DNAH2: variants seen among roughly 807,000 people sequenced by gnomAD.
The protein encoded by DNAH2 is axonemal beta dynein heavy chain 2.
A neutral mutation model predicts 523.5 loss-of-function variants in DNAH2; 323 were observed. The ratio of observed to expected loss-of-function variants is 0.62; its 90% CI spans 0.56 to 0.68. The LOEUF is 0.68. Among genes scored for constraint, DNAH2 ranks in the 30% least tolerant of loss-of-function variants. The probability of loss-of-function intolerance (pLI) is 0.00; values close to 1 mark genes in which losing one functional copy is unlikely to be tolerated. For synonymous variants in DNAH2, 2,093 were observed against 2,177.4 expected, an observed-to-expected ratio of 0.96 and a Z score of 1.08; for missense variants, 4,907 against 5,701.5, an observed-to-expected ratio of 0.86 and a Z score of 4.49.
rs535824956 is a variant in DNAH2 at position 7,829,036 on chromosome 17, T to A, written c.11854-1264T>A. 1.1e-3 allele frequency among the ~76,000 whole-genome samples: 165 copies of A among 148,480 alleles called. 1 individual carries two copies. The highest frequency in any genetic ancestry group is 3.4e-3 in the Admixed American group (50 of 14,858). Reference sequence around the variant, plus strand: ...AACATCCATTATTATTATTATTTTTTTTTTTTTGAGACAGAGTCTTGCTCT... The same window carrying A: ...AACATCCATTATTATTATTATTTTTATTTTTTTGAGACAGAGTCTTGCTCT... On this transcript the variant is annotated intron_variant, in intron 77 of 85. Transcript: ENST00000572933.
chr17:7,741,319 CTCCCTCCT>C lies in DNAH2; in HGVS notation c.1689+331_1689+338del, dbSNP rs1484834814. Reference sequence around the variant, plus strand: ...CTTCCTTCCTTCCCTCCCTCCCTCCCTCCCTCCTTCCTTCCTTCCTTCCTTCCTTCCTT... The same window carrying C: ...CTTCCTTCCTTCCCTCCCTCCCTCCCTCCTTCCTTCCTTCCTTCCTTCCTT... On this transcript the variant is annotated intron_variant, in intron 11 of 85. Transcript: ENST00000572933. Among the ~76,000 whole-genome samples, 5 of 37,040 alleles carry C rather than the reference CTCCCTCCT, an allele frequency of 1.3e-4. 1 individual carries two copies. Among genetic ancestry groups the C allele is most frequent in the African/African-American group, 4.2e-4 (3 of 7,126 alleles). The allele number at this position is 37,040 out of a possible 152,430, so 24.3% of individuals were successfully genotyped here.
At position 7,831,177 on chromosome 17, in the gene DNAH2, CCT is replaced by C. The variant is rs755290564; in HGVS notation, c.12323_12324del (p.Pro4108ArgfsTer10). 5.7e-5 allele frequency: 92 copies of C among 1,614,080 alleles called. No individual in the cohort carries two copies. Among genetic ancestry groups the C allele is most frequent in the Non-Finnish European group, 7.1e-5 (84 of 1,180,054 alleles). ...CAGCTTATTGCCTGGCATGGACCCC[CCT>C]GAGGCCTTTGGCCAGCACCCCAATG... ...YISLLPGMDP[P>X]EAFGQHPNAD... On this transcript the variant is annotated frameshift_variant, in exon 80 of 86. Transcript: ENST00000572933. LOFTEE classifies it high-confidence loss of function. This position sits in a 1 kb window ranked among gnomAD's most constrained non-coding sequence, Gnocchi z 4.2.
At position 7,754,367 on chromosome 17, in the gene DNAH2, T is replaced by TAAGGTG. The variant is rs1181450558; in HGVS notation, c.1905-2724_1905-2723insAAGGTG. 1.6e-5 allele frequency: 8 copies of TAAGGTG among 498,894 alleles called. No individual in the cohort carries two copies. The highest frequency in any genetic ancestry group is 3.2e-5 in the Admixed American group (1 of 31,266). 30.9% of individuals were successfully genotyped at this position (498,894 alleles called of 1,614,324 possible). A position where few individuals can be genotyped will look rare whatever the true frequency, so the allele number is the denominator to read the frequency against. Reference sequence around the variant, plus strand: ...GCCCAGGCTTCCGGTTCTAGGTGCTTCAGGAGCCGTGGCTTAAGGTGCAGA... The same window carrying TAAGGTG: ...GCCCAGGCTTCCGGTTCTAGGTGCTTAAGGTGCAGGAGCCGTGGCTTAAGGTGCAGA... On this transcript the variant is annotated intron_variant, in intron 12 of 85. Transcript: ENST00000572933. The surrounding 1 kb of genome is among the most constrained non-coding windows in gnomAD (Gnocchi z 4.6).
At chr17:7,743,674 ATC>A in intron 12 of DNAH2, 2 of 301,208 alleles carry the variant, frequency 6.6e-6, no homozygotes, top group Non-Finnish European at 1.2e-5. Context: ...AAAAACAAAA[ATC>A]AAAAACCACT....
chr17:7,831,273 A>T lies in DNAH2; in HGVS notation c.12418A>T (p.Ile4140Phe), dbSNP rs1157999617. The T allele has an allele frequency of 6.2e-7, 1 of 1,614,072 alleles. No homozygotes were observed. The highest frequency in any genetic ancestry group is 8.5e-7 in the Non-Finnish European group (1 of 1,180,014). Residue 4140 changes from isoleucine (I) to phenylalanine (F), a missense_variant, in exon 80 of 86, where the codon ATT becomes TTT. Coordinates refer to ENST00000572933, the MANE Select transcript of DNAH2 (RefSeq NM_020877.5). This position sits in a 1 kb window ranked among gnomAD's most constrained non-coding sequence, Gnocchi z 4.2. The stretch of plus-strand genomic sequence containing the variant: ...TACTTTGCTTTCCTTGCAACCTCAG[A>T]TTACACCCACCAGGGCTGGAGGCCA... ...FDTLLSLQPQ[I>F]TPTRAGGQTR...
At chr17:7,726,919 T>A (rs755427954) in intron 3 of DNAH2, among the ~76,000 whole-genome samples, 1 of 152,216 alleles carries the variant, frequency 6.6e-6, no homozygotes, top group Non-Finnish European at 1.5e-5. Context: ...TTTGTTTGTT[T>A]GTTTGTTTTA....
chr17:7,742,424 C>T (rs772790291), intron 11 of DNAH2, among the ~76,000 whole-genome samples: 11 of 152,170 alleles, frequency 7.2e-5, no homozygotes, highest in East Asian at 1.9e-4. Context: ...GAGAGAGACT[C>T]TGTCACAAAC....
rs1277161234 is a variant in DNAH2, at chr17:7,727,020, T to C, written c.229-102T>C. 2.3e-6 allele frequency: 3 copies of C among 1,299,620 alleles called. No homozygotes were observed. In the Admixed American group the frequency reaches 8.7e-5, roughly 38 times the overall value. 80.5% of individuals were successfully genotyped at this position (1,299,620 alleles called of 1,614,324 possible). On this transcript the variant is annotated intron_variant, in intron 3 of 85. Coordinates refer to ENST00000572933, the MANE Select transcript of DNAH2 (RefSeq NM_020877.5). The stretch of plus-strand genomic sequence containing the variant: ...TTCTCCTAACCATTCTGAACCTGTC[T>C]GGCTTCTCTCATCTCCCATGTCCTC...
Position 7,801,721 on chromosome 17 carries a change from C to T in DNAH2, c.8832+11C>T, listed in dbSNP as rs1254423736. 1 of 1,613,786 alleles carries T rather than the reference C, an allele frequency of 6.2e-7. No individual in the cohort carries two copies. Among genetic ancestry groups the T allele is most frequent in the Non-Finnish European group, 8.5e-7 (1 of 1,179,928 alleles). On this transcript the variant is annotated intron_variant, in intron 57 of 85. Transcript: ENST00000572933. ...GGAACTCAGGAGAATGTGAGCCCCT[C>T]CTCCCCACCTCTCATTGCATCCCTG...
At position 7,823,605 on chromosome 17, in the gene DNAH2, C is replaced by T; in HGVS notation, c.11306C>T (p.Ala3769Val). Residue 3769 changes from alanine (A) to valine (V), a missense_variant, in exon 74 of 86, where the codon GCC becomes GTC. Around this residue, in one of 3 missense-constraint regions of DNAH2, gnomAD observed 1,851 missense variants for 2,139.4 expected, o/e 0.87. Coordinates refer to ENST00000572933, the MANE Select transcript of DNAH2 (RefSeq NM_020877.5). ...TGGCACCTGTGGTATACCAATGCTG[C>T]CCCGGAGAAGGCGATGCTGCCAGGT... ...RDWHLWYTNA[A>V]PEKAMLPGEW... is the part of the protein sequence containing the mutation. 2 of 1,614,090 alleles carry T rather than the reference C, an allele frequency of 1.2e-6. No individual in the cohort carries two copies. The highest frequency in any genetic ancestry group is 1.7e-6 in the Non-Finnish European group (2 of 1,179,994).
chr17:7,764,178 C>T lies in DNAH2; in HGVS notation c.3241C>T (p.Leu1081=). Residue 1081 remains leucine, a synonymous_variant, in exon 20 of 86, where the codon CTG becomes TTG. Coordinates refer to ENST00000572933, the MANE Select transcript of DNAH2 (RefSeq NM_020877.5). ...GGTCAGCTTGCAGCTCGTGGATGCC[C>T]TGAAGCACGACTTGGCCAACGTGGA... ...LGVSLQLVDA[L]KHDLANVETQ... is the part of the protein sequence containing the mutation. The T allele has an allele frequency of 1.9e-6, 3 of 1,614,216 alleles. No homozygotes were observed. Among genetic ancestry groups the T allele is most frequent in the Non-Finnish European group, 1.7e-6 (2 of 1,180,032 alleles).
At chr17:7,804,639 A>C (rs898363900) in intron 59 of DNAH2, among the ~76,000 whole-genome samples, 173 bp downstream of exon 59, 3 of 152,042 alleles carry the variant, frequency 2.0e-5, no homozygotes, top group African/African-American at 7.3e-5. Context: ...TGAGGTCAGG[A>C]GTTCGAGACC....
chr17:7,776,071 C>T lies in DNAH2; in HGVS notation c.4869C>T (p.Asp1623=), dbSNP rs534515429. 3.0e-5 allele frequency: 48 copies of T among 1,614,136 alleles called. No homozygotes were observed. In the South Asian group the frequency reaches 3.6e-4, roughly 12 times the overall value. Residue 1623 remains aspartate, a synonymous_variant, in exon 31 of 86, where the codon GAC becomes GAT. Transcript: ENST00000572933. ...AGACCATGAGGGTGACCCTGCGGGACCTTCTCCGGAACTGCCACCTGGCCC... is the reference window on the plus strand; with the variant it reads ...AGACCATGAGGGTGACCCTGCGGGATCTTCTCCGGAACTGCCACCTGGCCC... The part of the protein sequence containing the change: ...VEQTMRVTLR[D]LLRNCHLALR...
intron 57 of DNAH2, 64 bp from the exon 58 acceptor site, chr17:7,801,814 C>G: frequency 6.2e-7 from 1 of 1,610,796 alleles, no homozygotes; most frequent in Non-Finnish European, 8.5e-7. Context: ...CCTCTCATCG[C>G]ACTCCCAGCC....
intron 11 of DNAH2, among the ~76,000 whole-genome samples, chr17:7,741,887 T>C (rs899782133): frequency 1.3e-5 from 2 of 150,796 alleles, no homozygotes; most frequent in African/African-American, 4.9e-5. Flanking sequence ...GGTCTCGAAC[T>C]CCCGACCTCA....
chr17:7,758,849 G>T (rs199817683), intron 14 of DNAH2, 36 bp from the exon 15 acceptor site: 27 of 1,609,622 alleles, frequency 1.7e-5, no homozygotes, highest in East Asian at 2.2e-5. Context: ...GTCTCTTCCC[G>T]AGCTGAAACT....
chr17:7,831,754 T>A lies in DNAH2; in HGVS notation c.12705T>A (p.His4235Gln), dbSNP rs1416581085. The A allele has an allele frequency of 5.0e-6, 8 of 1,613,988 alleles. No individual in the cohort carries two copies. The Admixed American group carries it at 1.3e-4, about 27-fold the overall frequency. The change falls in exon 82 of 86, where the codon CAT becomes CAA. Residue 4235 changes from histidine (H) to glutamine (Q), a missense_variant. By Grantham distance (24) the His-to-Gln change is conservative (BLOSUM62 0). Transcript: ENST00000572933. This position sits in a 1 kb window ranked among gnomAD's most constrained non-coding sequence, Gnocchi z 4.2. ...TTTTCAATTGCATCTTTGATGCCCATGTTCCTCCGCTCTGGGGAAAGGCAA... is the reference window on the plus strand; with the variant it reads ...TTTTCAATTGCATCTTTGATGCCCAAGTTCCTCCGCTCTGGGGAAAGGCAA... ...EEIFNCIFDAHVPPLWGKAYP... is the reference protein window; with the variant it reads ...EEIFNCIFDAQVPPLWGKAYP...
At chr17:7,789,249 C>T (rs934033793) in intron 44 of DNAH2, among the ~76,000 whole-genome samples, 1 of 152,214 alleles carries the variant, frequency 6.6e-6, no homozygotes, top group African/African-American at 2.4e-5. Context: ...TTATCAATGG[C>T]CCACAGATGT....
In DNAH2 at chr17:7,812,228, C is replaced by G. The variant is rs34347206; in HGVS notation, c.9730-4343C>G. 2.9e-3 allele frequency among the ~76,000 whole-genome samples: 437 copies of G among 152,222 alleles called. 1 individual carries two copies. The highest frequency in any genetic ancestry group is 4.6e-3 in the Non-Finnish European group (310 of 68,022). ...TCTAACCAATAAGCATTTACTGGAT[C>G]GGGGGTTATAAATCCACACATATGT... is the stretch of plus-strand genomic sequence containing the variant. On this transcript the variant is annotated intron_variant, in intron 63 of 85. Coordinates refer to ENST00000572933, the MANE Select transcript of DNAH2 (RefSeq NM_020877.5).
Sources: allele counts gnomAD v4.1 joint callset (sites outside exome capture counted in the v4.1 genomes callset), GRCh38; gene constraint gnomAD v4.1.1; regional missense constraint gnomAD v4.1.1; non-coding constraint Gnocchi (gnomAD v3.1); transcripts MANE v1.5; gene names NCBI Gene and HGNC (gene_info 2026-07-23, HGNC 2026-07-21).